PDK3: variants seen among roughly 807,000 people sequenced by gnomAD.
The protein encoded by PDK3 is pyruvate dehydrogenase kinase, isozyme 3.
In PDK3, 12 loss-of-function variants were observed where a neutral mutation model predicts 32.0. That is an observed-to-expected ratio of 0.37 (90% CI 0.24 to 0.61). The LOEUF (loss-of-function observed/expected upper bound fraction) is 0.61. Among genes scored for constraint, PDK3 ranks in the 20% least tolerant of loss-of-function variants. PDK3 has a pLI of 0.65. For missense variants in PDK3, 188 were observed against 316.9 expected (o/e 0.59, Z 3.09); for synonymous variants, 122 against 116.3 (o/e 1.05, Z -0.31).
chrX:24,502,835 C>A (rs1921893243), intron 3 of PDK3, among the ~76,000 whole-genome samples: 1 of 111,683 alleles, frequency 9.0e-6, no homozygotes, highest in African/African-American at 3.3e-5. Flanking sequence ...CAGAGTGAGA[C>A]TCCGTCAAAA....
chrX:24,533,786 A>T (rs1922710847), intron 10 of PDK3, 143 bp from the exon 11 acceptor site: 2 of 607,824 alleles, frequency 3.3e-6, no homozygotes, highest in Non-Finnish European at 4.8e-6. Flanking sequence ...AGTCTAAGTA[A>T]ACTACTAAGG....
Position 24,513,068 on chromosome X carries a change from A to G in PDK3, c.596-5865A>G, listed in dbSNP as rs113713994. 1.2e-3 allele frequency among the ~76,000 whole-genome samples: 132 copies of G among 111,787 alleles called. 1 individual carries two copies. Among genetic ancestry groups the G allele is most frequent in the Non-Finnish European group, 1.8e-3 (98 of 53,128 alleles). On this transcript the variant is annotated intron_variant, in intron 5 of 10. Coordinates refer to ENST00000379162, the MANE Select transcript of PDK3 (RefSeq NM_005391.5). The stretch of plus-strand genomic sequence containing the variant: ...TTATCTTTTTTTGCCCACGATCTTG[A>G]TTCTGAATTCCCAAAAGATGAATTT...
intron 6 of PDK3, among the ~76,000 whole-genome samples, chrX:24,520,208 A>G (rs1922363542): frequency 8.9e-6 from 1 of 111,764 alleles, no homozygotes; most frequent in Non-Finnish European, 1.9e-5. Flanking sequence ...ACAAACAAAA[A>G]TCTATGAAAA....
rs535490140 is a variant in PDK3 at position 24,475,804 on chromosome X, G to A, written c.106+10243G>A. Reference sequence around the variant, plus strand: ...TGATAAGGCTGCATTTTAACATGGCGTGGTTTATCTGGCTCTGGGGCAGCT... The same window carrying A: ...TGATAAGGCTGCATTTTAACATGGCATGGTTTATCTGGCTCTGGGGCAGCT... On this transcript the variant is annotated intron_variant, in intron 1 of 10. Coordinates refer to ENST00000379162, the MANE Select transcript of PDK3 (RefSeq NM_005391.5). Among the ~76,000 whole-genome samples, 17 of 111,627 alleles carry A rather than the reference G, an allele frequency of 1.5e-4. No homozygotes were observed. The South Asian group carries it at 4.1e-3, about 27-fold the overall frequency.
chrX:24,481,129 C>T (rs1356359303), intron 1 of PDK3, among the ~76,000 whole-genome samples: 1 of 108,954 alleles, frequency 9.2e-6, no homozygotes, highest in Non-Finnish European at 1.9e-5. Context: ...CTGCAAGCTC[C>T]GCCTTCCGGG....
chrX:24,542,724 A>G (rs1007907334), exon 12 of PDK3, among the ~76,000 whole-genome samples: 2 of 112,581 alleles, frequency 1.8e-5, no homozygotes, highest in Admixed American at 1.9e-4. Context: ...TACTAGAGTT[A>G]TTTAGACTTA....
intron 1 of PDK3, 38 bp from the exon 2 acceptor site, chrX:24,494,704 G>C: frequency 9.3e-7 from 1 of 1,078,660 alleles, no homozygotes; most frequent in East Asian, 3.1e-5. Flanking sequence ...CCATCTGTTA[G>C]ACTATAAAAT....
At chrX:24,514,595 C>G (rs1021676336) in intron 5 of PDK3, among the ~76,000 whole-genome samples, 7 of 111,792 alleles carry the variant, frequency 6.3e-5, no homozygotes, top group African/African-American at 2.3e-4. Context: ...ATGTAAATTA[C>G]AAGCCATGAG....
chrX:24,519,127 C>T, intron 6 of PDK3, 117 bp downstream of exon 6: 2 of 458,671 alleles, frequency 4.4e-6, no homozygotes, highest in Non-Finnish European at 7.3e-6. Flanking sequence ...TTTCTTATAT[C>T]TTTTTAAAAC....
intron 6 of PDK3, among the ~76,000 whole-genome samples, chrX:24,525,884 G>A (rs112223855): frequency 8.9e-6 from 1 of 112,137 alleles, no homozygotes; most frequent in South Asian, 3.7e-4. Context: ...AGTGATATCT[G>A]ACTGGCCTTC....
chrX:24,478,289 A>AAATAC lies in PDK3; in HGVS notation c.106+12741_106+12745dup, dbSNP rs1163539617. Among the ~76,000 whole-genome samples, 4 of 111,156 alleles carry AAATAC rather than the reference A, an allele frequency of 3.6e-5. No individual in the cohort carries two copies. In the South Asian group the frequency reaches 1.5e-3, roughly 42 times the overall value. On this transcript the variant is annotated intron_variant, in intron 1 of 10. Transcript: ENST00000379162. ...GTGAAACCCCATATCTACTAAAAAA[A>AAATAC]AATACAATACAATACAAAAAATCAG...
intron 5 of PDK3, among the ~76,000 whole-genome samples, chrX:24,506,050 A>G (rs1691241475): frequency 1.8e-5 from 2 of 111,267 alleles, no homozygotes; most frequent in Admixed American, 9.6e-5. Context: ...CATGGCTGCA[A>G]TTCTCTCTGA....
At chrX:24,495,198 C>T (rs1338192479) in intron 2 of PDK3, among the ~76,000 whole-genome samples, 2 of 112,169 alleles carry the variant, frequency 1.8e-5, no homozygotes, top group African/African-American at 3.2e-5. Context: ...TTACTCCTTT[C>T]GTTTTCCTTG....
chrX:24,543,326 AT>A (rs1009445707), exon 12 of PDK3, among the ~76,000 whole-genome samples: 14 of 110,899 alleles, frequency 1.3e-4, no homozygotes, highest in African/African-American at 4.3e-4. Context: ...ATGCTGTATG[AT>A]TTTTTTCTCA....
In PDK3 at chrX:24,519,817, GTTCT is replaced by G. The variant is rs916743052; in HGVS notation, c.673+812_673+815del. Among the ~76,000 whole-genome samples, 3 of 112,350 alleles carry G rather than the reference GTTCT, an allele frequency of 2.7e-5. No homozygotes were observed. In the Admixed American group the frequency reaches 2.8e-4, roughly 11 times the overall value. ...TCCCTTTCTAAAAAATGCCAGCAAT[GTTCT>G]TTCTATTTGGCCCAGTAAATAAGTT... On this transcript the variant is annotated intron_variant, in intron 6 of 10. Transcript: ENST00000379162.
Position 24,498,542 on chromosome X carries a change from C to A in PDK3, c.249-287C>A, listed in dbSNP as rs371478006. ...ACAGTATGTCCATTCCTGAGCCATT[C>A]CCTGTGTTCAGGGGAATGCACACAG... On this transcript the variant is annotated intron_variant, in intron 2 of 10. Coordinates refer to ENST00000379162, the MANE Select transcript of PDK3 (RefSeq NM_005391.5). Among the ~76,000 whole-genome samples the A allele has an allele frequency of 2.7e-5, 3 of 112,156 alleles. No individual in the cohort carries two copies. In the East Asian group the frequency reaches 8.4e-4, roughly 31 times the overall value.
chrX:24,542,171 T>C (rs1382111653), exon 12 of PDK3, among the ~76,000 whole-genome samples: 2 of 111,978 alleles, frequency 1.8e-5, no homozygotes, highest in African/African-American at 6.5e-5. Context: ...GACTTTAAAA[T>C]GTAGAGAAAT....
intron 1 of PDK3, among the ~76,000 whole-genome samples, chrX:24,474,311 A>G (rs1921049896): frequency 2.7e-5 from 3 of 111,751 alleles, no homozygotes; most frequent in Non-Finnish European, 5.6e-5. Flanking sequence ...GCAATTACTG[A>G]TGGCATGCCT....
chrX:24,497,694 A>G (rs1359167276), intron 2 of PDK3, among the ~76,000 whole-genome samples: 1 of 113,040 alleles, frequency 8.8e-6, no homozygotes, highest in Non-Finnish European at 1.9e-5. Context: ...TCATTGGAGT[A>G]TTTATATGTG....
Sources: gnomAD v4.1 joint callset for allele counts (sites outside exome capture counted in the v4.1 genomes callset) on GRCh38, gnomAD v4.1.1 for gene constraint, MANE v1.5 for transcripts, NCBI Gene and HGNC (gene_info 2026-07-23, HGNC 2026-07-21) for gene names.